The following AIRIM variants were observed in gnomAD, a reference collection of about 807,000 sequenced individuals.
The protein encoded by AIRIM is AFG2 interacting ribosome maturation factor, also known as AFG2-interacting ribosome maturation factor.
chr1:37,690,394 G>T, the AIRIM span: 1 of 1,289,602 alleles, frequency 7.8e-7, no homozygotes, highest in Admixed American at 2.3e-5. Flanking sequence ...TCTCTTCTCT[G>T]ACATACAGTC....
the AIRIM span, among the ~76,000 whole-genome samples, chr1:37,685,222 G>C: frequency 4.5e-5 from 6 of 134,086 alleles, no homozygotes; most frequent in Non-Finnish European, 7.9e-5. Flanking sequence ...GGGGTGGTTT[G>C]AGACAGGGTC....
At chr1:37,683,539 G>C in the AIRIM span, 1 of 1,368,490 alleles carries the variant, frequency 7.3e-7, no homozygotes, top group Non-Finnish European at 1.0e-6. Flanking sequence ...TGAAAGTGCA[G>C]ATATCCTTAC....
At chr1:37,688,385 G>A in the AIRIM span, among the ~76,000 whole-genome samples, 2 of 152,066 alleles carry the variant, frequency 1.3e-5, no homozygotes, top group African/African-American at 4.8e-5. Context: ...TCATACCCAC[G>A]TCTTGACTCT....
At chr1:37,685,519 TA>T in the AIRIM span, among the ~76,000 whole-genome samples, 1 of 152,014 alleles carries the variant, frequency 6.6e-6, no homozygotes, top group Non-Finnish European at 1.5e-5. Flanking sequence ...TAGCTGGGAT[TA>T]CAGACTTCAG....
the AIRIM span, among the ~76,000 whole-genome samples, chr1:37,688,100 A>G: frequency 0.036 from 5,478 of 152,072 alleles, 328 homozygotes; most frequent in African/African-American, 0.12. Flanking sequence ...TCTGTCACCC[A>G]GGCTGGAGTG....
the AIRIM span, chr1:37,683,672 A>G: frequency 2.3e-6 from 1 of 440,598 alleles, no homozygotes; most frequent in Non-Finnish European, 4.1e-6. Context: ...GGATCTCAGC[A>G]TGGTGAGGAC....
chr1:37,691,548 C>A, the AIRIM span: 1 of 155,420 alleles, frequency 6.4e-6, no homozygotes. Flanking sequence ...CTCTAGCCTT[C>A]TGGGTCTCAG....
chr1:37,689,784 G>T, the AIRIM span: 1 of 1,613,092 alleles, frequency 6.2e-7, no homozygotes, highest in Non-Finnish European at 8.5e-7. Flanking sequence ...TGGCAGTCCC[G>T]CAGGGCACTC....
chr1:37,690,511 CCA>C, the AIRIM span: 2,887 of 1,193,030 alleles, frequency 2.4e-3, 3 homozygotes, highest in Non-Finnish European at 2.9e-3. Flanking sequence ...CACCACGCGC[CCA>C]CAGTCTCTCT....
chr1:37,687,084 G>T, the AIRIM span, among the ~76,000 whole-genome samples: 3 of 150,598 alleles, frequency 2.0e-5, no homozygotes, highest in Admixed American at 6.6e-5. Context: ...GTGTGTGTGT[G>T]TGTGTGTGTG....
chr1:37,691,195 G>C, the AIRIM span: 1 of 152,356 alleles, frequency 6.6e-6, no homozygotes, highest in Non-Finnish European at 1.5e-5. Flanking sequence ...GGGTGGAAGA[G>C]AGAGAAAGGA....
chr1:37,686,263 C>A, the AIRIM span: 2 of 1,607,526 alleles, frequency 1.2e-6, no homozygotes, highest in African/African-American at 2.7e-5. Context: ...GAAATGTGTG[C>A]AAAGGATACG....
At chr1:37,686,765 G>A in the AIRIM span, among the ~76,000 whole-genome samples, 3 of 152,166 alleles carry the variant, frequency 2.0e-5, no homozygotes, top group African/African-American at 2.4e-5. Flanking sequence ...TGGAGGTACG[G>A]GTGGCTCAAG....
the AIRIM span, chr1:37,690,285 T>C: frequency 2.3e-6 from 3 of 1,291,892 alleles, no homozygotes; most frequent in Non-Finnish European, 3.0e-6. Context: ...GCGCCCGGCC[T>C]GCCTCAGCTT....
At chr1:37,685,234 T>C in the AIRIM span, among the ~76,000 whole-genome samples, 6 of 148,830 alleles carry the variant, frequency 4.0e-5, no homozygotes, top group Non-Finnish European at 5.9e-5. Flanking sequence ...GACAGGGTCT[T>C]GCTCTGTCAC....
chr1:37,686,280 G>A, the AIRIM span: 22 of 1,612,528 alleles, frequency 1.4e-5, no homozygotes, highest in East Asian at 4.5e-5. Flanking sequence ...TACGACTTTC[G>A]ATAATGTCTC....
the AIRIM span, among the ~76,000 whole-genome samples, chr1:37,687,877 CT>C: frequency 2.6e-5 from 4 of 151,548 alleles, no homozygotes; most frequent in Non-Finnish European, 5.9e-5. Flanking sequence ...CTGGCCTCAT[CT>C]TTTTTTTGTT....
chr1:37,685,192 T>TTGGG, the AIRIM span, among the ~76,000 whole-genome samples: 5 of 44,768 alleles, frequency 1.1e-4, no homozygotes, highest in East Asian at 8.2e-4. Context: ...TGCTTTTTTT[T>TTGGG]GGGGGGGGGG....
At chr1:37,690,078 G>T in the AIRIM span, 1 of 1,379,780 alleles carries the variant, frequency 7.2e-7, no homozygotes. Flanking sequence ...GTGCAGTGGC[G>T]CTATCTCGGC....
Sources: allele counts gnomAD v4.1 joint callset (sites outside exome capture counted in the v4.1 genomes callset), GRCh38; gene constraint gnomAD v4.1.1; transcripts MANE v1.5; gene names NCBI Gene and HGNC (gene_info 2026-07-23, HGNC 2026-07-21).